ARHGAP22: variants seen among roughly 807,000 people sequenced by gnomAD.
ARHGAP22 encodes the protein rho GTPase-activating protein 22.
A neutral mutation model predicts 59.1 loss-of-function variants in ARHGAP22; 48 were observed. The ratio of observed to expected loss-of-function variants is 0.81; its 90% CI spans 0.64 to 1.03. The LOEUF is 1.03. Ranked by LOEUF, ARHGAP22 falls within the 50% of genes least tolerant of loss-of-function variation. ARHGAP22 has a pLI of 0.00. For synonymous variants in ARHGAP22, 445 were observed against 416.4 expected (o/e 1.07, Z -0.84); for missense variants, 1,015 against 958.7 (o/e 1.06, Z -0.78).
At chr10:48,440,161 C>G in the ARHGAP22 span, among the ~76,000 whole-genome samples, 1 of 150,318 alleles carries the variant, frequency 6.7e-6, no homozygotes, top group Non-Finnish European at 1.5e-5. Context: ...CTGAAAAGGT[C>G]TATTAACTTG....
intron 3 of ARHGAP22, among the ~76,000 whole-genome samples, chr10:48,539,773 T>G (rs999273609): frequency 5.9e-5 from 9 of 152,226 alleles, no homozygotes; most frequent in African/African-American, 2.2e-4. Context: ...AATAAATACT[T>G]GTATTCCTTC....
intron 4 of ARHGAP22, among the ~76,000 whole-genome samples, chr10:48,466,853 G>T (rs1267513674): frequency 6.6e-6 from 1 of 152,166 alleles, no homozygotes. Flanking sequence ...CCCCCGTGGG[G>T]GATCTCCGGT....
intron 3 of ARHGAP22, among the ~76,000 whole-genome samples, chr10:48,495,452 T>C (rs1234620905): frequency 6.6e-6 from 1 of 152,188 alleles, no homozygotes; most frequent in Non-Finnish European, 1.5e-5. Flanking sequence ...ACTAATAAGA[T>C]GTATCTTCCC....
chr10:48,496,059 A>C (rs1002289650), intron 3 of ARHGAP22, among the ~76,000 whole-genome samples: 17 of 152,154 alleles, frequency 1.1e-4, no homozygotes, highest in African/African-American at 3.4e-4. Flanking sequence ...GAGAGCCCCC[A>C]AGCTACAGGA....
chr10:48,654,809 TCTTTCTTTCTTTCTTTCTTC>T (rs1182029476), upstream of ARHGAP22, among the ~76,000 whole-genome samples: 7 of 116,272 alleles, frequency 6.0e-5, no homozygotes, highest in East Asian at 4.8e-4. Context: ...TTTCTTTCTT[TCTTTCTTTCTTTCTTTCTTC>T]CTTCCTTCCT....
intron 3 of ARHGAP22, among the ~76,000 whole-genome samples, chr10:48,553,619 G>A (rs1286607612): frequency 6.6e-6 from 1 of 152,132 alleles, no homozygotes; most frequent in Admixed American, 6.5e-5. Flanking sequence ...GGGATGTTGG[G>A]AGTATTGTGG....
chr10:48,650,124 C>A (rs555565970), intron 1 of ARHGAP22, among the ~76,000 whole-genome samples: 1 of 149,660 alleles, frequency 6.7e-6, no homozygotes, highest in East Asian at 2.0e-4. Flanking sequence ...AGGGGAAGCC[C>A]CCTCCCCCTG....
Position 48,450,352 on chromosome 10 carries a change from CGT to C in ARHGAP22, c.1775_1776del (p.His592ArgfsTer13). The C allele has an allele frequency of 6.3e-7, 1 of 1,591,096 alleles. No individual in the cohort carries two copies. The highest frequency in any genetic ancestry group is 1.1e-5 in the South Asian group (1 of 87,824). ...PSEPDSPTRE[H>X]ARRSEALQGL... The stretch of plus-strand genomic sequence containing the variant: ...CCCTGTAAGGCCTCGGAGCGGCGCG[CGT>C]GTTCCCGGGTGGGGCTGTCCGGCTC... On this transcript the variant is annotated frameshift_variant, in exon 9 of 10. Transcript: ENST00000249601. LOFTEE classifies it high-confidence loss of function.
chr10:48,506,544 G>A (rs1480833315), intron 3 of ARHGAP22, among the ~76,000 whole-genome samples: 1 of 152,184 alleles, frequency 6.6e-6, no homozygotes, highest in Non-Finnish European at 1.5e-5. Context: ...CCTCCTTCCT[G>A]GAGGCCAGGT....
rs146243298 is a variant in ARHGAP22 at position 48,495,031 on chromosome 10, G to A, written c.323-15267C>T. ...CCCTCCCACCCAATTAGTCTTACAC[G>A]ACTTTCTCTATAGAACTTATCCTGA... is the stretch of plus-strand genomic sequence containing the variant. On this transcript the variant is annotated intron_variant, in intron 3 of 9. Transcript: ENST00000249601. Among the ~76,000 whole-genome samples, 336 of 152,282 alleles carry A rather than the reference G, an allele frequency of 2.2e-3. 2 individuals are homozygous for A. Among genetic ancestry groups the A allele is most frequent in the African/African-American group, 7.6e-3 (317 of 41,544 alleles).
At chr10:48,623,808 C>T (rs1263614659) in intron 1 of ARHGAP22, among the ~76,000 whole-genome samples, 3 of 152,210 alleles carry the variant, frequency 2.0e-5, no homozygotes, top group African/African-American at 4.8e-5. Context: ...TAGCAATTGG[C>T]ACAGGGGGTC....
chr10:48,445,346 C>T (rs1311820267), downstream of ARHGAP22: 1 of 152,412 alleles, frequency 6.6e-6, no homozygotes, highest in Non-Finnish European at 1.5e-5. Context: ...CACATCAGGA[C>T]ACCGTGAGGG....
At chr10:48,530,236 C>CAAAA (rs60902650) in intron 3 of ARHGAP22, among the ~76,000 whole-genome samples, 4,031 of 49,090 alleles carry the variant, frequency 0.082, 398 homozygotes, top group East Asian at 0.2. Context: ...GACTCCATTG[C>CAAAA]AAAAAAAAAA....
intron 1 of ARHGAP22, among the ~76,000 whole-genome samples, chr10:48,629,443 T>G (rs1589238998): frequency 1.3e-5 from 2 of 152,356 alleles, no homozygotes; most frequent in Non-Finnish European, 2.9e-5. Flanking sequence ...CCATCCATTT[T>G]GAGTTGATTT....
chr10:48,620,254 C>T (rs1252707862), intron 1 of ARHGAP22, among the ~76,000 whole-genome samples: 1 of 128,932 alleles, frequency 7.8e-6, no homozygotes, highest in Admixed American at 8.6e-5. Flanking sequence ...TGTTTGTACA[C>T]ACACTTGTAC....
intron 1 of ARHGAP22, among the ~76,000 whole-genome samples, chr10:48,593,766 C>A (rs1241509387): frequency 6.6e-6 from 1 of 152,182 alleles, no homozygotes. Context: ...AAACTGCAAA[C>A]ACGATACTGT....
intron 9 of ARHGAP22, among the ~76,000 whole-genome samples, chr10:48,447,144 G>A (rs1309291653): frequency 6.6e-6 from 1 of 152,172 alleles, no homozygotes. Flanking sequence ...CCCCCTCCAT[G>A]ATGCTACTTC....
intron 1 of ARHGAP22, among the ~76,000 whole-genome samples, chr10:48,633,821 G>T (rs796790848): frequency 6.6e-6 from 1 of 152,342 alleles, no homozygotes; most frequent in African/African-American, 2.4e-5. Flanking sequence ...ATTCCACGGG[G>T]CTAAGAGGAG....
chr10:48,454,253 T>C, intron 6 of ARHGAP22, 92 bp from the exon 7 acceptor site: 1 of 1,214,282 alleles, frequency 8.2e-7, no homozygotes, highest in African/African-American at 1.5e-5. Context: ...AGAAGGGAGG[T>C]GGGGGCTACG....
Sources: gnomAD v4.1 joint callset for allele counts (sites outside exome capture counted in the v4.1 genomes callset) on GRCh38, gnomAD v4.1.1 for gene constraint, MANE v1.5 for transcripts, NCBI Gene and HGNC (gene_info 2026-07-23, HGNC 2026-07-21) for gene names.